Variants in SPAG16 observed in about 807,000 individuals in gnomAD.
SPAG16 encodes sperm associated antigen 16.
Under a neutral mutation model 80.4 loss-of-function variants are expected in SPAG16, and 86 were observed. The observed-to-expected ratio is 1.07, with a 90% CI of 0.90 to 1.28. The LOEUF (loss-of-function observed/expected upper bound fraction) is 1.28. Ranked by LOEUF, SPAG16 falls within the 50% of genes most tolerant of loss-of-function variation. The probability of loss-of-function intolerance (pLI) is 0.00; values close to 1 mark genes in which losing one functional copy is unlikely to be tolerated. For missense variants in SPAG16, 870 were observed against 765.3 expected (o/e 1.14, Z -1.61); for synonymous variants, 294 against 265.9 (o/e 1.11, Z -1.03).
intron 11 of SPAG16, among the ~76,000 whole-genome samples, chr2:213,896,472 C>T (rs939174121): frequency 2.0e-5 from 3 of 151,400 alleles, no homozygotes; most frequent in African/African-American, 4.9e-5. Flanking sequence ...ATCAGTATAT[C>T]GAAGAGACAT....
At chr2:213,784,324 T>C (rs2125590060) in intron 10 of SPAG16, among the ~76,000 whole-genome samples, 1 of 127,812 alleles carries the variant, frequency 7.8e-6, no homozygotes, top group Admixed American at 8.4e-5. Context: ...AACAATGTGA[T>C]GGATTTGAGT....
intron 15 of SPAG16, among the ~76,000 whole-genome samples, chr2:214,268,772 T>G (rs992939284): frequency 7.9e-5 from 12 of 151,876 alleles, no homozygotes; most frequent in Admixed American, 7.2e-4. Context: ...GGTGTGTATG[T>G]ATGTATTTAT....
At chr2:214,241,607 T>G (rs1383940636) in intron 15 of SPAG16, among the ~76,000 whole-genome samples, 1 of 152,170 alleles carries the variant, frequency 6.6e-6, no homozygotes, top group Non-Finnish European at 1.5e-5. Flanking sequence ...ACCATTTAGT[T>G]AAATAGAAAT....
intron 15 of SPAG16, among the ~76,000 whole-genome samples, chr2:214,375,251 T>C (rs756896703): frequency 3.3e-5 from 5 of 152,160 alleles, no homozygotes; most frequent in Non-Finnish European, 7.4e-5. Flanking sequence ...ATAAAAGTGC[T>C]TGGGTTTCCA....
At chr2:213,660,022 G>A (rs1333280631) in intron 10 of SPAG16, among the ~76,000 whole-genome samples, 2 of 151,866 alleles carry the variant, frequency 1.3e-5, no homozygotes, top group African/African-American at 4.8e-5. Context: ...AATATCTGTG[G>A]AATCAGAATA....
intron 10 of SPAG16, among the ~76,000 whole-genome samples, chr2:213,535,335 C>T (rs2125897800): frequency 6.6e-6 from 1 of 152,046 alleles, no homozygotes; most frequent in Non-Finnish European, 1.5e-5. Flanking sequence ...AACTACATAT[C>T]ATATGTTCAA....
chr2:214,324,700 A>T (rs112080688), intron 15 of SPAG16, among the ~76,000 whole-genome samples: 2 of 152,336 alleles, frequency 1.3e-5, no homozygotes, highest in African/African-American at 4.8e-5. Flanking sequence ...AAATGTAAAG[A>T]AAAGTTTCTG....
chr2:214,053,951 A>G (rs1448350655), intron 13 of SPAG16, among the ~76,000 whole-genome samples: 1 of 152,210 alleles, frequency 6.6e-6, no homozygotes, highest in Non-Finnish European at 1.5e-5. Flanking sequence ...GTAGAATTCA[A>G]GGTTAATAAT....
At chr2:214,087,769 G>A (rs1324318525) in intron 13 of SPAG16, among the ~76,000 whole-genome samples, 1 of 152,006 alleles carries the variant, frequency 6.6e-6, no homozygotes, top group East Asian at 1.9e-4. Context: ...AATTTAGTGT[G>A]CCAACCAGAC....
chr2:214,334,966 A>T (rs1340662132), intron 15 of SPAG16, among the ~76,000 whole-genome samples: 1 of 152,208 alleles, frequency 6.6e-6, no homozygotes, highest in African/African-American at 2.4e-5. Context: ...CCAGGGAAAT[A>T]GACTTTGAGG....
intron 10 of SPAG16, among the ~76,000 whole-genome samples, chr2:213,817,246 TTA>T (rs2072606608): frequency 7.1e-6 from 1 of 141,620 alleles, no homozygotes; most frequent in African/African-American, 2.8e-5. Context: ...ATATATATAC[TTA>T]TATATATGAT....
At chr2:213,784,809 T>C (rs1438223716) in intron 10 of SPAG16, among the ~76,000 whole-genome samples, 3 of 152,086 alleles carry the variant, frequency 2.0e-5, no homozygotes, top group Non-Finnish European at 4.4e-5. Flanking sequence ...TATTTTTTTT[T>C]TGTAGCTAAT....
At chr2:213,611,740 G>A (rs866974458) in intron 10 of SPAG16, among the ~76,000 whole-genome samples, 6 of 152,146 alleles carry the variant, frequency 3.9e-5, no homozygotes, top group South Asian at 4.1e-4. Flanking sequence ...CTAATAATAG[G>A]TGATAACATA....
At chr2:213,443,097 T>G (rs577150043) in intron 9 of SPAG16, among the ~76,000 whole-genome samples, 18 of 152,270 alleles carry the variant, frequency 1.2e-4, no homozygotes, top group African/African-American at 4.3e-4. Flanking sequence ...ATATTATGCA[T>G]AGTAAAATGA....
chr2:213,315,110 T>C (rs1419306995), intron 4 of SPAG16, among the ~76,000 whole-genome samples: 1 of 152,002 alleles, frequency 6.6e-6, no homozygotes, highest in Non-Finnish European at 1.5e-5. Context: ...AGAGTAAGCT[T>C]TGTAGGGATT....
At chr2:214,038,174 T>G (rs1382752602) in intron 13 of SPAG16, among the ~76,000 whole-genome samples, 1 of 152,198 alleles carries the variant, frequency 6.6e-6, no homozygotes. Flanking sequence ...TATTCTATTT[T>G]GTAATTTCTT....
intron 15 of SPAG16, among the ~76,000 whole-genome samples, chr2:214,254,573 G>A (rs775456384): frequency 1.3e-3 from 191 of 152,126 alleles, no homozygotes; most frequent in Non-Finnish European, 2.1e-3. Context: ...TGAGAGACCT[G>A]AATAGCCAAA....
chr2:214,020,224 T>C (rs1382616047), intron 13 of SPAG16, among the ~76,000 whole-genome samples: 1 of 152,172 alleles, frequency 6.6e-6, no homozygotes, highest in East Asian at 1.9e-4. Flanking sequence ...TCCATGCCCT[T>C]GGCCATTTCC....
chr2:213,366,278 T>A (rs1370688454), intron 8 of SPAG16, among the ~76,000 whole-genome samples: 1 of 151,920 alleles, frequency 6.6e-6, no homozygotes, highest in African/African-American at 2.4e-5. Context: ...GCCCCAAATT[T>A]CCCCAAATTC....
Sources: gnomAD v4.1 joint callset for allele counts (sites outside exome capture counted in the v4.1 genomes callset) on GRCh38, gnomAD v4.1.1 for gene constraint, MANE v1.5 for transcripts, NCBI Gene and HGNC (gene_info 2026-07-23, HGNC 2026-07-21) for gene names.